RBMS1: variants seen among roughly 807,000 people sequenced by gnomAD.
RBMS1 encodes the protein RNA-binding motif, single-stranded-interacting protein 1.
Under a neutral mutation model 62.3 loss-of-function variants are expected in RBMS1, and 17 were observed. The observed-to-expected ratio is 0.27, with a 90% confidence interval of 0.19 to 0.41. The LOEUF (loss-of-function observed/expected upper bound fraction) is 0.41, where lower values mean the gene tolerates loss of function less well. RBMS1 is among the 10% of genes least tolerant of loss of function. RBMS1 has a pLI of 1.00. For missense variants in RBMS1, 334 were observed against 504.5 expected (o/e 0.66, Z 3.24); for synonymous variants, 172 against 170.0 (o/e 1.01, Z -0.09).
intron 2 of RBMS1, among the ~76,000 whole-genome samples, chr2:160,339,610 G>A (rs1691758018): frequency 1.3e-5 from 2 of 152,084 alleles, no homozygotes; most frequent in Admixed American, 6.5e-5. Context: ...GGTTCTTATT[G>A]AAAGGTCCAA....
At chr2:160,471,906 C>T (rs1157844600) in intron 1 of RBMS1, among the ~76,000 whole-genome samples, 1 of 151,620 alleles carries the variant, frequency 6.6e-6, no homozygotes, top group African/African-American at 2.4e-5. Flanking sequence ...ATTTTAGGAA[C>T]TGTTTTGATA....
intron 6 of RBMS1, among the ~76,000 whole-genome samples, chr2:160,295,290 A>G (rs1209472954): frequency 6.6e-6 from 1 of 152,226 alleles, no homozygotes; most frequent in African/African-American, 2.4e-5. Flanking sequence ...ACCTGTTGGT[A>G]ACTTCTGGTG....
intron 2 of RBMS1, among the ~76,000 whole-genome samples, chr2:160,365,492 GTTC>G (rs1222479047): frequency 1.3e-5 from 2 of 152,092 alleles, no homozygotes; most frequent in South Asian, 2.1e-4. Context: ...ATGATAAAAT[GTTC>G]TTCTGCCACA....
rs1025459833 is a variant in RBMS1, at chr2:160,326,499, G to A, written c.252-8272C>T. Among the ~76,000 whole-genome samples the A allele has an allele frequency of 3.1e-4, 47 of 152,184 alleles. 1 individual carries two copies. The highest frequency in any genetic ancestry group is 1.1e-3 in the African/African-American group (47 of 41,448). On this transcript the variant is annotated intron_variant, in intron 2 of 13. Coordinates refer to ENST00000348849, the MANE Select transcript of RBMS1 (RefSeq NM_016836.4). ...AATAAAGAATCTAATGCAAACCTAT[G>A]TAGTGAGTTATGGAAACTTAAGTCT...
At chr2:160,402,743 C>T (rs1439177432) in intron 1 of RBMS1, among the ~76,000 whole-genome samples, 1 of 152,138 alleles carries the variant, frequency 6.6e-6, no homozygotes, top group Non-Finnish European at 1.5e-5. Context: ...AGACACAGCC[C>T]TTGACTCCAG....
chr2:160,336,742 G>GT (rs147044034), intron 2 of RBMS1, among the ~76,000 whole-genome samples: 9,494 of 152,092 alleles, frequency 0.062, 404 homozygotes, highest in Non-Finnish European at 0.095. Flanking sequence ...TACTGCCAGC[G>GT]TATCTCTATT....
At chr2:160,309,650 A>T (rs1458297878) in intron 4 of RBMS1, among the ~76,000 whole-genome samples, 1 of 152,184 alleles carries the variant, frequency 6.6e-6, no homozygotes, top group African/African-American at 2.4e-5. Flanking sequence ...GGAGGTGGGG[A>T]TGGAGTTGGT....
chr2:160,301,438 T>G (rs1348455457), intron 5 of RBMS1, among the ~76,000 whole-genome samples: 1 of 152,180 alleles, frequency 6.6e-6, no homozygotes, highest in Non-Finnish European at 1.5e-5. Flanking sequence ...CTAAAAACAC[T>G]CTATACTCCT....
chr2:160,337,199 T>C (rs1691628734), intron 2 of RBMS1, among the ~76,000 whole-genome samples: 1 of 150,828 alleles, frequency 6.6e-6, no homozygotes, highest in Non-Finnish European at 1.5e-5. Context: ...AATGGCATGA[T>C]CTCAGCTCAA....
At chr2:160,463,587 C>G (rs1389087889) in intron 1 of RBMS1, among the ~76,000 whole-genome samples, 1 of 152,164 alleles carries the variant, frequency 6.6e-6, no homozygotes, top group Non-Finnish European at 1.5e-5. Context: ...GAGTTCGAGA[C>G]CAGCCTGGCT....
intron 1 of RBMS1, among the ~76,000 whole-genome samples, chr2:160,474,737 ATC>A (rs1160454648): frequency 6.6e-6 from 1 of 152,214 alleles, no homozygotes; most frequent in East Asian, 1.9e-4. Context: ...AAAATGCAAA[ATC>A]TCTGATATAA....
chr2:160,489,182 A>G (rs1349575974), intron 1 of RBMS1, among the ~76,000 whole-genome samples: 3 of 152,226 alleles, frequency 2.0e-5, no homozygotes, highest in African/African-American at 7.2e-5. Flanking sequence ...AGGGTGCTAC[A>G]CTGTTGCATT....
intron 1 of RBMS1, among the ~76,000 whole-genome samples, chr2:160,484,190 G>C (rs1038593423): frequency 3.9e-5 from 6 of 152,100 alleles, no homozygotes; most frequent in Non-Finnish European, 7.4e-5. Context: ...GTAAACATTT[G>C]AGGCTAATAA....
chr2:160,298,925 C>T (rs547767002), intron 6 of RBMS1, among the ~76,000 whole-genome samples: 1 of 150,722 alleles, frequency 6.6e-6, no homozygotes, highest in South Asian at 2.1e-4. Flanking sequence ...AGAAGACAGC[C>T]ATCTACAAGC....
chr2:160,456,002 G>A (rs1178518123), intron 1 of RBMS1, among the ~76,000 whole-genome samples: 3 of 152,166 alleles, frequency 2.0e-5, no homozygotes, highest in African/African-American at 7.2e-5. Context: ...GCTTTTTATG[G>A]GCAGTGATTT....
rs548436462 is a variant in RBMS1 at position 160,426,622 on chromosome 2, T to C, written c.76-59231A>G. Among the ~76,000 whole-genome samples the C allele has an allele frequency of 5.9e-5, 9 of 152,334 alleles. No individual in the cohort carries two copies. The South Asian group carries it at 1.4e-3, about 25-fold the overall frequency. ...ATGTTGTTAAAGTAGGTTTTAGAGA[T>C]TCCATTTTAGTTTCAAGTGTATACC... On this transcript the variant is annotated intron_variant, in intron 1 of 13. Transcript: ENST00000348849.
At position 160,301,188 on chromosome 2, in the gene RBMS1, A is replaced by G. The variant is rs72998737; in HGVS notation, c.561-458T>C. The stretch of plus-strand genomic sequence containing the variant: ...AGACTAAAAAGTCATGATAACAGCC[A>G]GTATCAGTGAGAGGGTGCGCCTTAT... On this transcript the variant is annotated intron_variant, in intron 5 of 13. Coordinates refer to ENST00000348849, the MANE Select transcript of RBMS1 (RefSeq NM_016836.4). Among the ~76,000 whole-genome samples, 515 of 152,332 alleles carry G rather than the reference A, an allele frequency of 3.4e-3. 1 individual carries two copies. The highest frequency in any genetic ancestry group is 0.012 in the African/African-American group (493 of 41,584).
At chr2:160,335,364 A>G (rs537918180) in intron 2 of RBMS1, among the ~76,000 whole-genome samples, 2 of 152,290 alleles carry the variant, frequency 1.3e-5, no homozygotes, top group African/African-American at 4.8e-5. Context: ...CGATTCACCA[A>G]TGGGCTGAGA....
chr2:160,475,632 C>T (rs921521005), intron 1 of RBMS1, among the ~76,000 whole-genome samples: 5 of 152,168 alleles, frequency 3.3e-5, no homozygotes, highest in African/African-American at 1.2e-4. Flanking sequence ...ACCAAGTTTG[C>T]GTATGTATGT....
Sources: gnomAD v4.1 joint callset for allele counts (sites outside exome capture counted in the v4.1 genomes callset) on GRCh38, gnomAD v4.1.1 for gene constraint, MANE v1.5 for transcripts, NCBI Gene and HGNC (gene_info 2026-07-23, HGNC 2026-07-21) for gene names.